TNIP3: variants seen among roughly 807,000 people sequenced by gnomAD.
TNIP3 encodes TNFAIP3-interacting protein 3.
A neutral mutation model predicts 54.1 loss-of-function variants in TNIP3; 34 were observed. That is an observed-to-expected ratio of 0.63 (90% CI 0.48 to 0.84). The LOEUF (loss-of-function observed/expected upper bound fraction) is 0.84. TNIP3 is among the 40% of genes least tolerant of loss of function. The probability of loss-of-function intolerance (pLI) is 0.00; values close to 1 mark genes in which losing one functional copy is unlikely to be tolerated. For synonymous variants in TNIP3, 134 were observed against 136.8 expected (o/e 0.98, Z 0.14); for missense variants, 366 against 387.6 (o/e 0.94, Z 0.47).
intron 2 of TNIP3, among the ~76,000 whole-genome samples, chr4:121,203,404 T>A (rs1029000658): frequency 2.6e-5 from 4 of 152,082 alleles, no homozygotes; most frequent in Non-Finnish European, 4.4e-5. Flanking sequence ...CACTCACAAG[T>A]GGGAGCTAAG....
intron 3 of TNIP3, among the ~76,000 whole-genome samples, chr4:121,172,253 T>G (rs1323760605): frequency 1.3e-5 from 2 of 151,622 alleles, no homozygotes; most frequent in Non-Finnish European, 2.9e-5. Context: ...AACCTTAGAG[T>G]GGTGTGGAAG....
chr4:121,179,682 T>C (rs1724564992), intron 3 of TNIP3, among the ~76,000 whole-genome samples: 2 of 152,146 alleles, frequency 1.3e-5, no homozygotes, highest in Admixed American at 1.3e-4. Context: ...GAACGAAAGA[T>C]GGCACTATTC....
rs756945138 is a variant in TNIP3, at chr4:121,131,782, G to A, written c.*849C>T. On this transcript the variant is annotated 3_prime_UTR_variant, in exon 11 of 11. Transcript: ENST00000057513. ...CCTGAGTAGCTGGGTTTATAGGTGT[G>A]TGCCACGAGCCTGGCTAATTTTTGT... 6.6e-6 allele frequency: 1 copy of A among 151,774 alleles called. No homozygotes were observed. Among genetic ancestry groups the A allele is most frequent in the Non-Finnish European group, 1.5e-5 (1 of 68,032 alleles). The allele number at this position is 151,774 out of a possible 1,614,324, so 9.4% of individuals were successfully genotyped here. A position where few individuals can be genotyped will look rare whatever the true frequency, so the allele number is the denominator to read the frequency against.
upstream of TNIP3, among the ~76,000 whole-genome samples, chr4:121,221,289 A>G (rs2148853220): frequency 6.6e-6 from 1 of 152,314 alleles, no homozygotes; most frequent in African/African-American, 2.4e-5. Flanking sequence ...TGTATGTTCA[A>G]GAAGTTTTAT....
intron 2 of TNIP3, among the ~76,000 whole-genome samples, chr4:121,190,112 C>A (rs1725225533): frequency 6.6e-6 from 1 of 152,180 alleles, no homozygotes; most frequent in Admixed American, 6.5e-5. Context: ...CTTCTTGGGA[C>A]TGCTCTGCAT....
intron 7 of TNIP3, 138 bp from the exon 8 acceptor site, chr4:121,142,914 C>T: frequency 1.6e-6 from 1 of 636,652 alleles, no homozygotes; most frequent in East Asian, 2.7e-5. Context: ...TTTTTGCAGA[C>T]ATGCATTGAT....
upstream of TNIP3, among the ~76,000 whole-genome samples, chr4:121,217,746 C>A (rs1476174518): frequency 1.3e-5 from 2 of 152,186 alleles, no homozygotes; most frequent in Non-Finnish European, 2.9e-5. Context: ...AACATGAAGG[C>A]TTAAATATTT....
Position 121,140,898 on chromosome 4 carries a change from C to T in TNIP3, c.885+918G>A, listed in dbSNP as rs184719508. Among the ~76,000 whole-genome samples the T allele has an allele frequency of 2.3e-3, 355 of 152,240 alleles. 3 individuals are homozygous for T. The highest frequency in any genetic ancestry group is 8.2e-3 in the African/African-American group (340 of 41,548). On this transcript the variant is annotated intron_variant, in intron 9 of 10. Transcript: ENST00000057513. Reference sequence around the variant, plus strand: ...AGATGCTCATTAAATCCTCACATTCCTTCAGCCACCCAAAGAGTCATTATC... The same window carrying T: ...AGATGCTCATTAAATCCTCACATTCTTTCAGCCACCCAAAGAGTCATTATC...
chr4:121,194,159 T>C (rs1725445841), intron 2 of TNIP3, among the ~76,000 whole-genome samples: 1 of 152,160 alleles, frequency 6.6e-6, no homozygotes, highest in South Asian at 2.1e-4. Context: ...TATATCCTTG[T>C]TTAAGGATAC....
upstream of TNIP3, among the ~76,000 whole-genome samples, chr4:121,167,622 C>A (rs1430449770): frequency 6.6e-6 from 1 of 152,024 alleles, no homozygotes; most frequent in African/African-American, 2.4e-5. Flanking sequence ...GAAATGTTGA[C>A]CTTATAGGCC....
chr4:121,141,182 G>A (rs1729095909), intron 9 of TNIP3, among the ~76,000 whole-genome samples: 1 of 152,178 alleles, frequency 6.6e-6, no homozygotes, highest in Admixed American at 6.5e-5. Context: ...AAAAGTAGAG[G>A]AGGGTAGGTG....
At chr4:121,184,172 A>T (rs924793000) in intron 2 of TNIP3, among the ~76,000 whole-genome samples, 12 of 151,744 alleles carry the variant, frequency 7.9e-5, no homozygotes, top group Admixed American at 6.6e-4. Flanking sequence ...TTTTTGCCTG[A>T]CTCATCATAT....
At chr4:121,179,709 T>G (rs9992473) in intron 3 of TNIP3, among the ~76,000 whole-genome samples, 6,691 of 151,870 alleles carry the variant, frequency 0.044, 486 homozygotes, top group African/African-American at 0.15. Context: ...TGGTGCCACC[T>G]GAGTGGTGCA....
At chr4:121,165,478 G>A (rs567894405), upstream of TNIP3, among the ~76,000 whole-genome samples, 1 of 152,150 alleles carries the variant, frequency 6.6e-6, no homozygotes, top group East Asian at 1.9e-4. Context: ...AATCAGCTAA[G>A]GAGAGCACTT....
upstream of TNIP3, among the ~76,000 whole-genome samples, chr4:121,167,150 T>A (rs1730810031): frequency 6.6e-6 from 1 of 152,072 alleles, no homozygotes; most frequent in Admixed American, 6.5e-5. Context: ...AATTTATGCA[T>A]CACTCACCCT....
intron 2 of TNIP3, among the ~76,000 whole-genome samples, chr4:121,191,722 T>A (rs1465124707): frequency 1.3e-5 from 2 of 152,240 alleles, no homozygotes; most frequent in African/African-American, 4.8e-5. Flanking sequence ...ATCTCATTGT[T>A]ATTTATTAAC....
intron 2 of TNIP3, among the ~76,000 whole-genome samples, chr4:121,207,636 AG>A (rs1726259037): frequency 6.6e-6 from 1 of 152,198 alleles, no homozygotes; most frequent in South Asian, 2.1e-4. Flanking sequence ...AATGTAGACA[AG>A]GAGACCAAAA....
intron 1 of TNIP3, among the ~76,000 whole-genome samples, chr4:121,226,360 TA>T (rs1727256540): frequency 6.6e-6 from 1 of 152,238 alleles, no homozygotes; most frequent in Admixed American, 6.5e-5. Flanking sequence ...AAAATTCTGA[TA>T]TAAAAAATAC....
intron 2 of TNIP3, among the ~76,000 whole-genome samples, chr4:121,209,682 A>G (rs1726373396): frequency 6.6e-6 from 1 of 152,348 alleles, no homozygotes; most frequent in East Asian, 1.9e-4. Flanking sequence ...CTGAAGCTCC[A>G]TTAAACAAAT....
Sources: allele counts gnomAD v4.1 joint callset (sites outside exome capture counted in the v4.1 genomes callset), GRCh38; gene constraint gnomAD v4.1.1; transcripts MANE v1.5; gene names NCBI Gene and HGNC (gene_info 2026-07-23, HGNC 2026-07-21).